The following POU6F2 variants were observed in gnomAD, a reference collection of about 807,000 sequenced individuals.
The protein encoded by POU6F2 is POU domain, class 6, transcription factor 2.
In POU6F2, 31 loss-of-function variants were observed where a neutral mutation model predicts 71.3. The observed-to-expected ratio is 0.43, with a 90% CI of 0.33 to 0.59. The LOEUF is 0.59. POU6F2 is among the 20% of genes least tolerant of loss of function. The pLI, the probability that POU6F2 is intolerant of heterozygous loss-of-function variation, is 0.04. For missense variants in POU6F2, 783 were observed against 856.8 expected (o/e 0.91, Z 1.07); for synonymous variants, 347 against 355.7 (o/e 0.98, Z 0.27).
chr7:39,144,097 G>C (rs556365566), intron 2 of POU6F2, among the ~76,000 whole-genome samples: 3 of 152,096 alleles, frequency 2.0e-5, no homozygotes, highest in African/African-American at 7.2e-5. Context: ...AAGTACCTTT[G>C]AGGTGTCAGG....
At chr7:39,418,773 G>A (rs1787746161) in intron 6 of POU6F2, among the ~76,000 whole-genome samples, 1 of 151,004 alleles carries the variant, frequency 6.6e-6, no homozygotes, top group Admixed American at 6.6e-5. Context: ...TTTGAGCCCA[G>A]ATCTGGCTGC....
At chr7:39,031,142 G>A (rs993293892) in intron 1 of POU6F2, among the ~76,000 whole-genome samples, 11 of 151,920 alleles carry the variant, frequency 7.2e-5, no homozygotes, top group African/African-American at 2.2e-4. Flanking sequence ...CTCGTGATCC[G>A]CCCTCCTCGG....
At chr7:39,009,336 G>T (rs577999148) in intron 1 of POU6F2, among the ~76,000 whole-genome samples, 83 of 151,996 alleles carry the variant, frequency 5.5e-4, no homozygotes, top group African/African-American at 2.0e-3. Flanking sequence ...TCTGTTGTTG[G>T]TGTATAAGAA....
At chr7:39,243,552 A>C (rs1466304999) in intron 4 of POU6F2, among the ~76,000 whole-genome samples, 6 of 152,152 alleles carry the variant, frequency 3.9e-5, no homozygotes, top group African/African-American at 1.4e-4. Context: ...CAAAGAAAAA[A>C]TATAACAAAA....
At chr7:39,207,681 T>C (rs1007271194) in intron 4 of POU6F2, 61 bp downstream of exon 4, 46 of 1,462,830 alleles carry the variant, frequency 3.1e-5, no homozygotes, top group Admixed American at 1.1e-4. Context: ...TTCTCTGAAG[T>C]GGGCAAAAAA....
intron 4 of POU6F2, among the ~76,000 whole-genome samples, chr7:39,255,678 T>C (rs959375091): frequency 6.6e-6 from 1 of 152,198 alleles, no homozygotes; most frequent in Non-Finnish European, 1.5e-5. Flanking sequence ...AAATAAGTCA[T>C]CATAAGCCGT....
At chr7:39,054,865 C>G (rs559273190) in intron 1 of POU6F2, among the ~76,000 whole-genome samples, 5 of 150,948 alleles carry the variant, frequency 3.3e-5, no homozygotes, top group African/African-American at 1.2e-4. Flanking sequence ...TGTGTGAGCA[C>G]ATGAAAAAAG....
At chr7:39,163,233 T>G (rs2128737047) in intron 2 of POU6F2, among the ~76,000 whole-genome samples, 1 of 152,366 alleles carries the variant, frequency 6.6e-6, no homozygotes, top group Middle Eastern at 3.4e-3. Flanking sequence ...CCAAGAATCA[T>G]ATCTAACCCA....
At chr7:39,168,571 C>T (rs1290865524) in intron 2 of POU6F2, among the ~76,000 whole-genome samples, 1 of 152,164 alleles carries the variant, frequency 6.6e-6, no homozygotes, top group Middle Eastern at 3.2e-3. Context: ...CGAGCCCTTT[C>T]TCCCCACCTC....
intron 7 of POU6F2, among the ~76,000 whole-genome samples, chr7:39,437,671 G>C (rs548860330): frequency 8.6e-5 from 13 of 151,842 alleles, no homozygotes; most frequent in Non-Finnish European, 1.5e-4. Context: ...CTAGCTTTTG[G>C]ATTAGTTTCC....
At chr7:39,327,283 A>T (rs902530862) in intron 4 of POU6F2, among the ~76,000 whole-genome samples, 1 of 150,966 alleles carries the variant, frequency 6.6e-6, no homozygotes, top group Non-Finnish European at 1.5e-5. Context: ...TGTCTCAAAA[A>T]AAAAAAAAAC....
rs531286983 is a variant in POU6F2 at position 39,202,082 on chromosome 7, G to T, written c.278-2153G>T. ...GGACTGCACTGAACGTGGTTTTTGA[G>T]AATTAACCAGCCTCAGAACAAGCTA... is the stretch of plus-strand genomic sequence containing the variant. On this transcript the variant is annotated intron_variant, in intron 2 of 9. Transcript: ENST00000518318. 1.2e-4 allele frequency among the ~76,000 whole-genome samples: 19 copies of T among 152,326 alleles called. No homozygotes were observed. The South Asian group carries it at 3.7e-3, about 30-fold the overall frequency.
intron 4 of POU6F2, among the ~76,000 whole-genome samples, chr7:39,251,080 T>C (rs1783907100): frequency 6.6e-6 from 1 of 152,198 alleles, no homozygotes; most frequent in African/African-American, 2.4e-5. Flanking sequence ...ATAGGCAACA[T>C]TCATTTACGT....
At chr7:39,257,665 T>G (rs1784051468) in intron 4 of POU6F2, among the ~76,000 whole-genome samples, 1 of 152,044 alleles carries the variant, frequency 6.6e-6, no homozygotes, top group South Asian at 2.1e-4. Context: ...AGAACTAGGC[T>G]TAGAATGGAG....
chr7:39,057,342 G>A (rs1161700067), intron 1 of POU6F2, among the ~76,000 whole-genome samples: 1 of 152,028 alleles, frequency 6.6e-6, no homozygotes, highest in Non-Finnish European at 1.5e-5. Flanking sequence ...AGAAAAAGTG[G>A]TAGATCATCA....
In POU6F2 at chr7:39,385,314, C is replaced by A. The variant is rs544274992; in HGVS notation, c.973-21286C>A. Among the ~76,000 whole-genome samples, 22 of 152,310 alleles carry A rather than the reference C, an allele frequency of 1.4e-4. 1 individual carries two copies. In the South Asian group the frequency reaches 2.3e-3, roughly 16 times the overall value. ...CCCTCTTGTGTTTTTATTCATTCAA[C>A]AAACACCCATTGCTTGCCTAACAAG... On this transcript the variant is annotated intron_variant, in intron 5 of 9. Coordinates refer to ENST00000518318, the MANE Select transcript of POU6F2 (RefSeq NM_001370959.1).
rs184899570 is a variant in POU6F2 at position 39,391,192 on chromosome 7, C to G, written c.973-15408C>G. ...TACTTGATGGCTTTTTTTCTTGAAA[C>G]CTCTGATGACTATCTTGGTCAATTT... is the stretch of plus-strand genomic sequence containing the variant. On this transcript the variant is annotated intron_variant, in intron 5 of 9. Transcript: ENST00000518318. Among the ~76,000 whole-genome samples, 32 of 152,130 alleles carry G rather than the reference C, an allele frequency of 2.1e-4. No individual in the cohort carries two copies. In the South Asian group the frequency reaches 6.4e-3, roughly 31 times the overall value.
intron 4 of POU6F2, among the ~76,000 whole-genome samples, chr7:39,218,942 G>A (rs576359903): frequency 1.3e-5 from 2 of 152,148 alleles, no homozygotes; most frequent in East Asian, 3.9e-4. Flanking sequence ...AACCATGACT[G>A]AAGCTAGGGA....
At chr7:39,434,588 T>G (rs1044060275) in intron 7 of POU6F2, among the ~76,000 whole-genome samples, 1 of 151,838 alleles carries the variant, frequency 6.6e-6, no homozygotes, top group African/African-American at 2.4e-5. Flanking sequence ...GATGATTTAA[T>G]CTGCAGCCAA....
Sources: gnomAD v4.1 joint callset for allele counts (sites outside exome capture counted in the v4.1 genomes callset) on GRCh38, gnomAD v4.1.1 for gene constraint, MANE v1.5 for transcripts, NCBI Gene and HGNC (gene_info 2026-07-23, HGNC 2026-07-21) for gene names.